The following SGPP2 variants were observed in gnomAD, a reference collection of about 807,000 sequenced individuals.
SGPP2 encodes sphingosine-1-phosphate phosphatase 2, also known as sphingosine 1-phosphate phosphohydrolase 2.
In SGPP2, 30 loss-of-function variants were observed where a neutral mutation model predicts 33.9. That is an observed-to-expected ratio of 0.89 (90% CI 0.66 to 1.20). The LOEUF is 1.20. SGPP2 is among the 50% of genes most tolerant of loss of function. The probability of loss-of-function intolerance (pLI) is 0.00; values close to 1 mark genes in which losing one functional copy is unlikely to be tolerated. For missense variants in SGPP2, 458 were observed against 532.1 expected (o/e 0.86, Z 1.37); for synonymous variants, 233 against 225.0 (o/e 1.04, Z -0.32).
chr2:222,544,857 C>T (rs553291259), intron 4 of SGPP2, among the ~76,000 whole-genome samples: 7 of 151,992 alleles, frequency 4.6e-5, no homozygotes, highest in Middle Eastern at 3.4e-3. Flanking sequence ...AAATTGTGAG[C>T]GTGTATGGGG....
At chr2:222,438,467 C>T (rs961530351) in intron 1 of SGPP2, among the ~76,000 whole-genome samples, 4 of 152,192 alleles carry the variant, frequency 2.6e-5, no homozygotes, top group Non-Finnish European at 5.9e-5. Flanking sequence ...AGTTGATATA[C>T]CCCTGAGGTA....
intron 1 of SGPP2, among the ~76,000 whole-genome samples, chr2:222,425,366 G>A (rs932825294): frequency 6.6e-6 from 1 of 152,178 alleles, no homozygotes; most frequent in Non-Finnish European, 1.5e-5. Context: ...CACTACCCCC[G>A]GCGATGATGT....
intron 1 of SGPP2, among the ~76,000 whole-genome samples, chr2:222,435,381 A>T (rs1053340636): frequency 2.6e-5 from 4 of 152,128 alleles, no homozygotes; most frequent in South Asian, 2.1e-4. Flanking sequence ...ACTGACTCAA[A>T]TGTTAATCTC....
At chr2:222,530,907 A>T (rs1311986531) in intron 4 of SGPP2, among the ~76,000 whole-genome samples, 2 of 152,158 alleles carry the variant, frequency 1.3e-5, no homozygotes, top group Admixed American at 6.5e-5. Context: ...GCAGTGGCTC[A>T]CCTGGAATCC....
intron 1 of SGPP2, among the ~76,000 whole-genome samples, chr2:222,426,665 G>C (rs990926588): frequency 5.9e-5 from 9 of 152,306 alleles, no homozygotes; most frequent in African/African-American, 1.9e-4. Context: ...CCCAAGATAA[G>C]AAATCATTGT....
At chr2:222,451,308 G>A (rs1697484071) in intron 1 of SGPP2, among the ~76,000 whole-genome samples, 1 of 152,196 alleles carries the variant, frequency 6.6e-6, no homozygotes, top group African/African-American at 2.4e-5. Flanking sequence ...TTCTTCATGT[G>A]ACCTAAAAAA....
chr2:222,469,475 G>A (rs538752194), intron 1 of SGPP2, among the ~76,000 whole-genome samples: 17 of 152,310 alleles, frequency 1.1e-4, no homozygotes, highest in African/African-American at 2.4e-4. Context: ...GAGCCATCGC[G>A]CCTGGCTGAA....
At chr2:222,526,174 T>TA (rs2106137345) in intron 4 of SGPP2, among the ~76,000 whole-genome samples, 1 of 152,024 alleles carries the variant, frequency 6.6e-6, no homozygotes, top group South Asian at 2.1e-4. Flanking sequence ...TGCAGTTTTT[T>TA]AAAAAATCAA....
At chr2:222,451,240 A>G (rs947367420) in intron 1 of SGPP2, among the ~76,000 whole-genome samples, 24 of 152,174 alleles carry the variant, frequency 1.6e-4, no homozygotes, top group African/African-American at 5.1e-4. Context: ...TATGAAATCA[A>G]TCATCTGGAG....
chr2:222,446,937 T>A (rs1313295021), intron 1 of SGPP2, among the ~76,000 whole-genome samples: 5 of 152,240 alleles, frequency 3.3e-5, no homozygotes, highest in African/African-American at 1.2e-4. Context: ...AAGAAATTTT[T>A]GCTGCTATAG....
intron 4 of SGPP2, among the ~76,000 whole-genome samples, chr2:222,533,323 A>G (rs1698866183): frequency 6.6e-6 from 1 of 152,132 alleles, no homozygotes; most frequent in Non-Finnish European, 1.5e-5. Context: ...CCTCAGATCA[A>G]AACTCTAACA....
intron 1 of SGPP2, among the ~76,000 whole-genome samples, chr2:222,439,192 T>TG (rs1697288522): frequency 6.6e-6 from 1 of 152,150 alleles, no homozygotes; most frequent in Non-Finnish European, 1.5e-5. Context: ...ACAGTTACCC[T>TG]GGTGAAAGGC....
intron 1 of SGPP2, among the ~76,000 whole-genome samples, chr2:222,463,273 C>T (rs374137643): frequency 2.9e-4 from 44 of 152,322 alleles, no homozygotes; most frequent in African/African-American, 9.1e-4. Context: ...AAATCCTTCC[C>T]AAGCACTGTC....
chr2:222,532,470 G>A (rs914971197), intron 4 of SGPP2, among the ~76,000 whole-genome samples: 4 of 152,132 alleles, frequency 2.6e-5, no homozygotes, highest in African/African-American at 9.7e-5. Context: ...TCCTGGGCAG[G>A]CCCAACTGAA....
At chr2:222,501,539 A>G (rs1316844787) in intron 2 of SGPP2, among the ~76,000 whole-genome samples, 2 of 152,156 alleles carry the variant, frequency 1.3e-5, no homozygotes, top group African/African-American at 2.4e-5. Context: ...CTGAAAAATT[A>G]GGTGTTCGAT....
chr2:222,521,519 A>T (rs1247360505), intron 2 of SGPP2, among the ~76,000 whole-genome samples: 1 of 152,240 alleles, frequency 6.6e-6, no homozygotes, highest in Admixed American at 6.5e-5. Flanking sequence ...TGTTAAATAC[A>T]AGATTAAAAT....
intron 1 of SGPP2, among the ~76,000 whole-genome samples, chr2:222,462,943 G>A (rs1697686568): frequency 6.6e-6 from 1 of 152,174 alleles, no homozygotes; most frequent in Non-Finnish European, 1.5e-5. Context: ...TCTTCTTAAT[G>A]TTCTTTCATG....
intron 1 of SGPP2, among the ~76,000 whole-genome samples, chr2:222,453,722 ATGT>A (rs1313633490): frequency 4.6e-5 from 7 of 152,336 alleles, no homozygotes; most frequent in African/African-American, 1.7e-4. Flanking sequence ...TATAAAATAT[ATGT>A]TGATTGACTG....
intron 2 of SGPP2, among the ~76,000 whole-genome samples, chr2:222,517,354 G>A (rs1698620018): frequency 6.6e-6 from 1 of 152,178 alleles, no homozygotes; most frequent in South Asian, 2.1e-4. Context: ...GAGAAGGGGA[G>A]GAGAGGAAGA....
Sources: allele counts gnomAD v4.1 joint callset (sites outside exome capture counted in the v4.1 genomes callset), GRCh38; gene constraint gnomAD v4.1.1; transcripts MANE v1.5; gene names NCBI Gene and HGNC (gene_info 2026-07-23, HGNC 2026-07-21).